PCDH15: variants seen among roughly 807,000 people sequenced by gnomAD.
PCDH15 encodes protocadherin-15.
Under a neutral mutation model 178.5 loss-of-function variants are expected in PCDH15, and 129 were observed. That is an observed-to-expected ratio of 0.72 (90% CI 0.63 to 0.84). The LOEUF (loss-of-function observed/expected upper bound fraction) is 0.84. PCDH15 is among the 40% of genes least tolerant of loss of function. The pLI, the probability that PCDH15 is intolerant of heterozygous loss-of-function variation, is 0.00. For synonymous variants in PCDH15, 800 were observed against 732.0 expected (o/e 1.09, Z -1.50); for missense variants, 2,230 against 2,099.9 (o/e 1.06, Z -1.21).
At chr10:55,202,539 T>A (rs997324085) in intron 1 of PCDH15, among the ~76,000 whole-genome samples, 1 of 152,108 alleles carries the variant, frequency 6.6e-6, no homozygotes, top group Non-Finnish European at 1.5e-5. Flanking sequence ...ATTCATTAAT[T>A]GCCTCCACCT....
chr10:54,183,674 G>C lies in PCDH15; in HGVS notation c.1441-81C>G. ...AGAGTTTGCTCTTACAGTTTAACAA[G>C]TTTCTTACAGGTAATCTTACAATTT... On this transcript the variant is annotated intron_variant, in intron 12 of 37. Transcript: ENST00000644397. The C allele has an allele frequency of 5.3e-6, 8 of 1,507,004 alleles. No homozygotes were observed. In the Admixed American group the frequency reaches 1.3e-4, roughly 25 times the overall value. The allele number at this position is 1,507,004 out of a possible 1,614,324, so 93.4% of individuals were successfully genotyped here.
chr10:54,354,399 T>C (rs570315687), intron 5 of PCDH15, among the ~76,000 whole-genome samples: 2 of 152,356 alleles, frequency 1.3e-5, no homozygotes, highest in African/African-American at 4.8e-5. Context: ...TATGTGCTTC[T>C]TTCACTTCCT....
intron 2 of PCDH15, among the ~76,000 whole-genome samples, chr10:55,607,272 A>G (rs1397498926): frequency 4.6e-5 from 7 of 151,912 alleles, no homozygotes; most frequent in Non-Finnish European, 8.8e-5. Flanking sequence ...GGATGTGGAG[A>G]AATAGGAACA....
chr10:53,810,475 G>T, intron 37 of PCDH15, 81 bp downstream of exon 37: 1 of 1,280,184 alleles, frequency 7.8e-7, no homozygotes, highest in Non-Finnish European at 1.1e-6. Context: ...AAGCTGAAAT[G>T]TTCTACAGCC....
chr10:54,599,227 G>T (rs1234896009), intron 2 of PCDH15, among the ~76,000 whole-genome samples: 1 of 152,034 alleles, frequency 6.6e-6, no homozygotes, highest in Non-Finnish European at 1.5e-5. Flanking sequence ...GAACAAAGCC[G>T]GAGGCATCAT....
chr10:54,536,747 T>C (rs2084574725), intron 2 of PCDH15, among the ~76,000 whole-genome samples: 1 of 121,344 alleles, frequency 8.2e-6, no homozygotes, highest in Non-Finnish European at 1.6e-5. Context: ...ACATGAATTA[T>C]TTGGTTTTTC....
At chr10:55,191,775 G>C (rs1838856301) in intron 1 of PCDH15, among the ~76,000 whole-genome samples, 1 of 151,774 alleles carries the variant, frequency 6.6e-6, no homozygotes, top group African/African-American at 2.4e-5. Context: ...GCCAACTATT[G>C]TTTTCAGTAG....
intron 2 of PCDH15, among the ~76,000 whole-genome samples, chr10:55,593,814 T>A (rs1345150951): frequency 6.6e-6 from 1 of 151,824 alleles, no homozygotes; most frequent in African/African-American, 2.4e-5. Flanking sequence ...TATCTAGGGA[T>A]CTAATTACCA....
intron 1 of PCDH15, among the ~76,000 whole-genome samples, chr10:55,303,762 T>C (rs1843349666): frequency 6.6e-6 from 1 of 152,172 alleles, no homozygotes; most frequent in Non-Finnish European, 1.5e-5. Context: ...ATATTCTTTA[T>C]TTCATTCATG....
At chr10:53,943,888 A>G (rs1035715769) in intron 23 of PCDH15, among the ~76,000 whole-genome samples, 3 of 152,076 alleles carry the variant, frequency 2.0e-5, no homozygotes, top group African/African-American at 7.2e-5. Flanking sequence ...TTTTGGCAGG[A>G]TTACAATGTA....
intron 8 of PCDH15, among the ~76,000 whole-genome samples, chr10:54,239,127 G>GT (rs2054955258): frequency 6.6e-6 from 1 of 152,098 alleles, no homozygotes; most frequent in South Asian, 2.1e-4. Flanking sequence ...AATGTAAAAT[G>GT]TAAGCAAATC....
chr10:53,900,237 C>A (rs898630645), intron 26 of PCDH15, among the ~76,000 whole-genome samples: 1 of 151,340 alleles, frequency 6.6e-6, no homozygotes, highest in African/African-American at 2.4e-5. Context: ...CTCTCTCCCC[C>A]CCTCTCTCTG....
chr10:53,985,597 A>C lies in PCDH15; in HGVS notation c.2868+10052T>G, dbSNP rs550933580. Among the ~76,000 whole-genome samples the C allele has an allele frequency of 3.9e-5, 6 of 152,224 alleles. No individual in the cohort carries two copies. The East Asian group carries it at 7.7e-4, about 20-fold the overall frequency. ...GTAGTGTAGTCAAAGGGAAACTTCAAAACAGAATACTTGGGTCCAGTCCTT... is the reference window on the plus strand; with the variant it reads ...GTAGTGTAGTCAAAGGGAAACTTCACAACAGAATACTTGGGTCCAGTCCTT... On this transcript the variant is annotated intron_variant, in intron 21 of 37. Coordinates refer to ENST00000644397, the MANE Select transcript of PCDH15 (RefSeq NM_001384140.1).
intron 1 of PCDH15, among the ~76,000 whole-genome samples, chr10:55,240,998 C>T (rs1249084069): frequency 2.0e-5 from 3 of 152,120 alleles, no homozygotes; most frequent in African/African-American, 7.2e-5. Context: ...GGGCGGATCA[C>T]GAGGTCAGGA....
At chr10:55,330,809 T>C (rs1468259858) in intron 2 of PCDH15, among the ~76,000 whole-genome samples, 2 of 149,886 alleles carry the variant, frequency 1.3e-5, no homozygotes, top group African/African-American at 4.9e-5. Context: ...TGATTTCTCA[T>C]TATCTCTCTT....
intron 2 of PCDH15, among the ~76,000 whole-genome samples, chr10:54,993,143 CT>C (rs1051941054): frequency 1.3e-5 from 2 of 152,064 alleles, no homozygotes; most frequent in Non-Finnish European, 2.9e-5. Flanking sequence ...TGAGATACGA[CT>C]GAAAGGACTT....
chr10:54,254,402 C>G (rs11004181), intron 8 of PCDH15, among the ~76,000 whole-genome samples: 1 of 151,664 alleles, frequency 6.6e-6, no homozygotes. Flanking sequence ...ACAAGAGGAG[C>G]GAAAATAAAG....
chr10:54,706,772 T>A (rs2095369539), intron 1 of PCDH15, among the ~76,000 whole-genome samples: 1 of 152,102 alleles, frequency 6.6e-6, no homozygotes, highest in Non-Finnish European at 1.5e-5. Context: ...TACCAGTGCA[T>A]GCCACCATGC....
At chr10:55,159,192 A>C (rs1386306718) in intron 2 of PCDH15, among the ~76,000 whole-genome samples, 3 of 151,760 alleles carry the variant, frequency 2.0e-5, no homozygotes, top group Non-Finnish European at 4.4e-5. Flanking sequence ...ATAATGCACC[A>C]CTCATAAAAA....
Sources: allele counts gnomAD v4.1 joint callset (sites outside exome capture counted in the v4.1 genomes callset), GRCh38; gene constraint gnomAD v4.1.1; transcripts MANE v1.5; gene names NCBI Gene and HGNC (gene_info 2026-07-23, HGNC 2026-07-21).